CNKSR3: variants seen among roughly 807,000 people sequenced by gnomAD.
CNKSR3 encodes connector enhancer of kinase suppressor of ras 3.
Under a neutral mutation model 67.7 loss-of-function variants are expected in CNKSR3, and 36 were observed. That is an observed-to-expected ratio of 0.53 (90% CI 0.41 to 0.70). The LOEUF (loss-of-function observed/expected upper bound fraction) is 0.70, where lower values mean the gene tolerates loss of function less well. CNKSR3 is among the 30% of genes least tolerant of loss of function. The probability of loss-of-function intolerance (pLI) is 0.00; values close to 1 mark genes in which losing one functional copy is unlikely to be tolerated. For missense variants in CNKSR3, 630 were observed against 695.2 expected (o/e 0.91, Z 1.05); for synonymous variants, 281 against 271.4 (o/e 1.04, Z -0.35).
At chr6:154,442,483 G>A (rs1402268221) in intron 2 of CNKSR3, among the ~76,000 whole-genome samples, 193 bp from the exon 3 acceptor site, 2 of 152,040 alleles carry the variant, frequency 1.3e-5, no homozygotes, top group African/African-American at 2.4e-5. Context: ...TTAGCCGGGC[G>A]TGGTGGCGGG....
At chr6:154,443,751 C>T (rs867583252) in intron 2 of CNKSR3, among the ~76,000 whole-genome samples, 1 of 152,258 alleles carries the variant, frequency 6.6e-6, no homozygotes, top group Middle Eastern at 3.4e-3. Flanking sequence ...CCAAGCTACT[C>T]AAGAGGCTGA....
At chr6:154,411,672 T>G (rs112151262) in intron 10 of CNKSR3, among the ~76,000 whole-genome samples, 3,869 of 136,014 alleles carry the variant, frequency 0.028, 177 homozygotes, top group African/African-American at 0.1. Context: ...AAATGCAGGG[T>G]TTTTTTTAAT....
chr6:154,471,952 A>T (rs1364080970), intron 1 of CNKSR3, among the ~76,000 whole-genome samples: 1 of 152,204 alleles, frequency 6.6e-6, no homozygotes, highest in Non-Finnish European at 1.5e-5. Flanking sequence ...TCATGGTAAC[A>T]AACCTTGTTC....
chr6:154,410,698 A>C (rs1562318623), intron 11 of CNKSR3, among the ~76,000 whole-genome samples: 1 of 152,210 alleles, frequency 6.6e-6, no homozygotes, highest in East Asian at 1.9e-4. Flanking sequence ...TGAAAGTTAA[A>C]ACTGTAACAT....
chr6:154,413,975 C>T (rs1166014470), intron 10 of CNKSR3, among the ~76,000 whole-genome samples: 1 of 152,012 alleles, frequency 6.6e-6, no homozygotes, highest in Non-Finnish European at 1.5e-5. Flanking sequence ...TCTTGAACTC[C>T]TGAGCTCAAG....
intron 1 of CNKSR3, among the ~76,000 whole-genome samples, chr6:154,485,020 C>A (rs1195859100): frequency 2.6e-5 from 4 of 152,188 alleles, no homozygotes; most frequent in Non-Finnish European, 5.9e-5. Context: ...ACTGCCAATT[C>A]CACTGAAGGC....
chr6:154,498,350 C>T (rs6942272), intron 1 of CNKSR3, among the ~76,000 whole-genome samples: 37,111 of 149,602 alleles, frequency 0.25, 4,696 homozygotes, highest in African/African-American at 0.29. Flanking sequence ...GTTTGGTCTA[C>T]GTCAAAAAAA....
chr6:154,454,102 CACAGAG>C (rs1422567391), intron 1 of CNKSR3, among the ~76,000 whole-genome samples: 104 of 115,254 alleles, frequency 9.0e-4, no homozygotes, highest in Admixed American at 1.3e-3. Flanking sequence ...CACACACACA[CACAGAG>C]AGAGAGAGAG....
intron 10 of CNKSR3, among the ~76,000 whole-genome samples, 199 bp from the exon 11 acceptor site, chr6:154,411,341 C>T (rs576211556): frequency 1.3e-5 from 2 of 152,052 alleles, no homozygotes; most frequent in African/African-American, 2.4e-5. Context: ...AATACCATGA[C>T]GTGATGAAAT....
At chr6:154,423,377 C>A (rs149965639) in intron 7 of CNKSR3, among the ~76,000 whole-genome samples, 1 of 152,196 alleles carries the variant, frequency 6.6e-6, no homozygotes, top group Admixed American at 6.5e-5. Context: ...GGATCTCCCC[C>A]CTCAGCCTCC....
intron 1 of CNKSR3, among the ~76,000 whole-genome samples, chr6:154,478,663 T>C (rs562586089): frequency 6.6e-6 from 1 of 152,342 alleles, no homozygotes; most frequent in South Asian, 2.1e-4. Context: ...GGTCTGCCCA[T>C]GAAGAAAGCA....
intron 1 of CNKSR3, among the ~76,000 whole-genome samples, chr6:154,497,242 T>A (rs1023407440): frequency 2.0e-5 from 3 of 150,942 alleles, no homozygotes; most frequent in African/African-American, 7.3e-5. Context: ...AAAAAAAAAA[T>A]TAGCCAGGTG....
rs6916438 is a variant in CNKSR3 at position 154,441,390 on chromosome 6, G to A, written c.420-11C>T. 67,269 of 1,605,388 alleles carry A rather than the reference G, an allele frequency of 0.042. 5,986 individuals are homozygous for A. The highest frequency in any genetic ancestry group is 0.37 in the African/African-American group (27,693 of 74,674). ...CCTGTAAACGGAGCCCTAGAAGGTAGCAACAATCCTCTTAAAAAGGGGTAG... is the reference window on the plus strand; with the variant it reads ...CCTGTAAACGGAGCCCTAGAAGGTAACAACAATCCTCTTAAAAAGGGGTAG... On this transcript the variant is annotated splice_polypyrimidine_tract_variant and intron_variant, in intron 3 of 12. Transcript: ENST00000607772.
At chr6:154,407,895 ACCTAAATTTCC>A (rs1784835853) in intron 12 of CNKSR3, among the ~76,000 whole-genome samples, 1 of 147,560 alleles carries the variant, frequency 6.8e-6, no homozygotes, top group Non-Finnish European at 1.5e-5. Context: ...AAAAAAAAAA[ACCTAAATTTCC>A]AACAGTGGCA....
At chr6:154,491,251 A>G (rs1023474953) in intron 1 of CNKSR3, among the ~76,000 whole-genome samples, 21 of 152,208 alleles carry the variant, frequency 1.4e-4, no homozygotes, top group African/African-American at 5.1e-4. Context: ...GATGCCCTGT[A>G]GTCTAAATGC....
chr6:154,500,675 T>G (rs1418711478), intron 1 of CNKSR3, among the ~76,000 whole-genome samples: 2 of 152,220 alleles, frequency 1.3e-5, no homozygotes, highest in Non-Finnish European at 2.9e-5. Context: ...GAGCTATAGT[T>G]TCTAAAGCAA....
chr6:154,499,556 G>C (rs747630760), intron 1 of CNKSR3, among the ~76,000 whole-genome samples: 1 of 152,162 alleles, frequency 6.6e-6, no homozygotes, highest in Non-Finnish European at 1.5e-5. Context: ...CCTGGGAAAC[G>C]GTCTCTTGAA....
At chr6:154,491,380 A>G (rs539553577) in intron 1 of CNKSR3, among the ~76,000 whole-genome samples, 1 of 152,308 alleles carries the variant, frequency 6.6e-6, no homozygotes, top group African/African-American at 2.4e-5. Context: ...ACAGCTGGTG[A>G]ATTCTATTTC....
chr6:154,460,285 CCTT>C (rs532947494), intron 1 of CNKSR3, among the ~76,000 whole-genome samples: 2 of 152,306 alleles, frequency 1.3e-5, no homozygotes, highest in South Asian at 2.1e-4. Flanking sequence ...TTTGAGTCCT[CCTT>C]CTTTGCTCCT....
Sources: allele counts gnomAD v4.1 joint callset (sites outside exome capture counted in the v4.1 genomes callset), GRCh38; gene constraint gnomAD v4.1.1; transcripts MANE v1.5; gene names NCBI Gene and HGNC (gene_info 2026-07-23, HGNC 2026-07-21).